MS4A15: variants seen among roughly 807,000 people sequenced by gnomAD.
MS4A15 encodes membrane-spanning 4-domains subfamily A member 15.
MS4A15 carries 22 observed loss-of-function variants against 20.6 expected under a neutral mutation model. That is an observed-to-expected ratio of 1.07 (90% CI 0.76 to 1.52). The LOEUF is 1.52. Ranked by LOEUF, MS4A15 falls within the 40% of genes most tolerant of loss-of-function variation. MS4A15 has a pLI of 0.00. For missense variants in MS4A15, 312 were observed against 323.0 expected (o/e 0.97, Z 0.26); for synonymous variants, 129 against 129.3 (o/e 1.00, Z 0.02).
At chr11:60,763,293 G>A (rs1565069438) in intron 1 of MS4A15, among the ~76,000 whole-genome samples, 1 of 152,112 alleles carries the variant, frequency 6.6e-6, no homozygotes, top group South Asian at 2.1e-4. Flanking sequence ...TGAGAGGCAG[G>A]AAGTGGCAGT....
chr11:60,759,100 A>C (rs7931856), intron 1 of MS4A15, among the ~76,000 whole-genome samples: 99,453 of 152,142 alleles, frequency 0.65, 32,598 homozygotes, highest in Middle Eastern at 0.73. Flanking sequence ...CTCCTCTGTG[A>C]CCATCATTGT....
chr11:60,765,540 G>A (rs1853862783), intron 2 of MS4A15, among the ~76,000 whole-genome samples: 1 of 152,064 alleles, frequency 6.6e-6, no homozygotes, highest in African/African-American at 2.4e-5. Context: ...TTGTAAGAAG[G>A]GGATCATCGT....
At chr11:60,768,336 T>A (rs1039532853) in intron 3 of MS4A15, among the ~76,000 whole-genome samples, 5 of 152,130 alleles carry the variant, frequency 3.3e-5, no homozygotes, top group African/African-American at 1.2e-4. Flanking sequence ...CTCCAGGAGC[T>A]CTGTCCCCTG....
rs915507576 is a variant in MS4A15 at position 60,756,950 on chromosome 11, A to C, written c.-137A>C. ...TTCAGCTGAAATTGTCTAAGAACTC[A>C]TTCTTGGCGTTCACTGCAAGCTATA... On this transcript the variant is annotated 5_prime_UTR_variant, in exon 1 of 7. Coordinates refer to ENST00000405633, the MANE Select transcript of MS4A15 (RefSeq NM_001098835.2). 6.6e-6 allele frequency: 1 copy of C among 151,406 alleles called. No individual in the cohort carries two copies. Among genetic ancestry groups the C allele is most frequent in the Non-Finnish European group, 1.5e-5 (1 of 67,878 alleles). 9.4% of individuals were successfully genotyped at this position (151,406 alleles called of 1,614,324 possible). A position where few individuals can be genotyped will look rare whatever the true frequency, so the allele number is the denominator to read the frequency against.
rs753894348 is a variant in MS4A15, at chr11:60,775,600, T to C, written c.613-5T>C. On this transcript the variant is annotated splice_region_variant and splice_polypyrimidine_tract_variant and intron_variant, in intron 6 of 6. Transcript: ENST00000405633. Reference sequence around the variant, plus strand: ...CCAGGACGCTCAGTGCTGTTTTCTTTGCAGCCTGTGATCTTCCTGCCAAAC... The same window carrying C: ...CCAGGACGCTCAGTGCTGTTTTCTTCGCAGCCTGTGATCTTCCTGCCAAAC... The C allele has an allele frequency of 6.2e-7, 1 of 1,613,262 alleles. No homozygotes were observed. The highest frequency in any genetic ancestry group is 2.2e-5 in the East Asian group (1 of 44,890).
chr11:60,768,061 T>C (rs1590981132), intron 3 of MS4A15, among the ~76,000 whole-genome samples: 1 of 152,134 alleles, frequency 6.6e-6, no homozygotes, highest in Admixed American at 6.5e-5. Flanking sequence ...GGCACGGTGG[T>C]GCATGCCTGT....
intron 5 of MS4A15, 61 bp from the exon 6 acceptor site, chr11:60,773,776 C>A: frequency 6.8e-7 from 1 of 1,460,012 alleles, no homozygotes; most frequent in Non-Finnish European, 9.6e-7. Flanking sequence ...GTGGTTCTCA[C>A]TCGGGGGACC....
At position 60,775,769 on chromosome 11, in the gene MS4A15, C is replaced by A. The variant is rs1408530065; in HGVS notation, c.*54C>A. ...TCCAGCCTTTTCCCTCTGGGCCCAG[C>A]CTCTCCCCACCCCCACCTTGTTCAT... On this transcript the variant is annotated 3_prime_UTR_variant, in exon 7 of 7. Coordinates refer to ENST00000405633, the MANE Select transcript of MS4A15 (RefSeq NM_001098835.2). 2 of 1,398,272 alleles carry A rather than the reference C, an allele frequency of 1.4e-6. No homozygotes were observed. Among genetic ancestry groups the A allele is most frequent in the South Asian group, 1.2e-5 (1 of 80,926 alleles). The allele number at this position is 1,398,272 out of a possible 1,614,324, so 86.6% of individuals were successfully genotyped here. A position where few individuals can be genotyped will look rare whatever the true frequency, so the allele number is the denominator to read the frequency against.
chr11:60,760,787 C>G (rs191144852), intron 1 of MS4A15, among the ~76,000 whole-genome samples: 1 of 152,160 alleles, frequency 6.6e-6, no homozygotes, highest in Non-Finnish European at 1.5e-5. Context: ...GCCCTCTTCT[C>G]GAGAACAGGA....
In MS4A15 at chr11:60,766,191, GC is replaced by G. The variant is rs57350789; in HGVS notation, c.226-1340del. Among the ~76,000 whole-genome samples, 414 of 152,244 alleles carry G rather than the reference GC, an allele frequency of 2.7e-3. 3 individuals carry two copies. Among genetic ancestry groups the G allele is most frequent in the South Asian group, 9.5e-3 (46 of 4,828 alleles). ...AGGTCAGGAGTTCGAGACCAGCCTG[GC>G]CAACATGGCGAAACCCCGTTTGTAC... On this transcript the variant is annotated intron_variant, in intron 2 of 6. Coordinates refer to ENST00000405633, the MANE Select transcript of MS4A15 (RefSeq NM_001098835.2).
At chr11:60,775,037 C>T (rs1590988313) in intron 6 of MS4A15, among the ~76,000 whole-genome samples, 3 of 152,250 alleles carry the variant, frequency 2.0e-5, no homozygotes, top group African/African-American at 4.8e-5. Context: ...ACAGCAGAGC[C>T]GGACGTGGTG....
rs552100649 is a variant in MS4A15 at position 60,762,927 on chromosome 11, GGT to G, written c.-28-778_-28-777del. Among the ~76,000 whole-genome samples the G allele has an allele frequency of 3.3e-5, 5 of 152,254 alleles. No individual in the cohort carries two copies. The South Asian group carries it at 1.0e-3, about 32-fold the overall frequency. On this transcript the variant is annotated intron_variant, in intron 1 of 6. Transcript: ENST00000405633. Reference sequence around the variant, plus strand: ...GCTGAAAACAGCCTCCTAAGAAGGTGGTTTGAGAGCTTTTATAAGGTCATAGG... The same window carrying G: ...GCTGAAAACAGCCTCCTAAGAAGGTGTTGAGAGCTTTTATAAGGTCATAGG...
At chr11:60,767,699 C>T in intron 3 of MS4A15, 44 bp downstream of exon 3, 2 of 1,494,506 alleles carry the variant, frequency 1.3e-6, no homozygotes, top group Non-Finnish European at 1.8e-6. Context: ...GGGATGCTGC[C>T]CAGGCTCACC....
intron 2 of MS4A15, among the ~76,000 whole-genome samples, chr11:60,766,006 G>A (rs931716875): frequency 4.6e-5 from 7 of 152,186 alleles, no homozygotes; most frequent in East Asian, 1.9e-4. Context: ...CTGGCCTGCC[G>A]CCTCATAGCT....
rs556654201 is a variant in MS4A15 at position 60,758,825 on chromosome 11, T to C, written c.-29+1767T>C. Among the ~76,000 whole-genome samples, 17 of 152,378 alleles carry C rather than the reference T, an allele frequency of 1.1e-4. No homozygotes were observed. In the East Asian group the frequency reaches 3.1e-3, roughly 28 times the overall value. ...TTCATGCCACTACTGTCTTTACAGA[T>C]GGTTTAGGAAAAACTGGAAGAGCAG... On this transcript the variant is annotated intron_variant, in intron 1 of 6. Coordinates refer to ENST00000405633, the MANE Select transcript of MS4A15 (RefSeq NM_001098835.2).
At chr11:60,759,305 A>T (rs1412213184) in intron 1 of MS4A15, among the ~76,000 whole-genome samples, 1 of 152,254 alleles carries the variant, frequency 6.6e-6, no homozygotes, top group Non-Finnish European at 1.5e-5. Flanking sequence ...AGGGGTATGC[A>T]GGATGTGCCT....
At chr11:60,765,568 C>T (rs946708571) in intron 2 of MS4A15, among the ~76,000 whole-genome samples, 6 of 152,140 alleles carry the variant, frequency 3.9e-5, no homozygotes, top group Middle Eastern at 3.2e-3. Flanking sequence ...GGACAGATTA[C>T]GAAACTGAGG....
Position 60,763,915 on chromosome 11 carries a change from G to T in MS4A15, c.182G>T (p.Arg61Leu), listed in dbSNP as rs374458640. 1 of 1,613,078 alleles carries T rather than the reference G, an allele frequency of 6.2e-7. No homozygotes were observed. Residue 61 changes from arginine to leucine, a missense_variant, in exon 2 of 7, where the codon CGG becomes CTG. Transcript: ENST00000405633. ...TPRATQPPDL[R>L]PVETFLTGEP... Reference sequence around the variant, plus strand: ...AGGGCCACACAGCCACCTGACTTGCGGCCCGTGGAGACATTCCTGACAGGA... The same window carrying T: ...AGGGCCACACAGCCACCTGACTTGCTGCCCGTGGAGACATTCCTGACAGGA...
chr11:60,773,572 GC>G, intron 5 of MS4A15, 88 bp downstream of exon 5: 1 of 1,249,242 alleles, frequency 8.0e-7, no homozygotes. Context: ...AGTTTGCAGC[GC>G]CAGGACGTTG....
Sources: gnomAD v4.1 joint callset for allele counts (sites outside exome capture counted in the v4.1 genomes callset) on GRCh38, gnomAD v4.1.1 for gene constraint, MANE v1.5 for transcripts, NCBI Gene and HGNC (gene_info 2026-07-23, HGNC 2026-07-21) for gene names.